STK32C: variants seen among roughly 807,000 people sequenced by gnomAD.
STK32C encodes serine/threonine kinase 32C.
Under a neutral mutation model 56.5 loss-of-function variants are expected in STK32C, and 31 were observed. That is an observed-to-expected ratio of 0.55 (90% CI 0.41 to 0.74). STK32C has a LOEUF of 0.74. Ranked by LOEUF, STK32C falls within the 30% of genes least tolerant of loss-of-function variation. The pLI is 0.00. For missense variants in STK32C, 544 were observed against 676.9 expected, an observed-to-expected ratio of 0.80 and a Z score of 2.18; for synonymous variants, 309 against 289.4, an observed-to-expected ratio of 1.07 and a Z score of -0.69.
intron 1 of STK32C, among the ~76,000 whole-genome samples, chr10:132,316,486 G>C (rs1295960003): frequency 6.6e-6 from 1 of 152,118 alleles, no homozygotes; most frequent in Non-Finnish European, 1.5e-5. Flanking sequence ...AGGCATGGTG[G>C]CATGCACCTG....
At chr10:132,237,383 A>C (rs2063331233) in intron 2 of STK32C, among the ~76,000 whole-genome samples, 1 of 152,264 alleles carries the variant, frequency 6.6e-6, no homozygotes, top group Non-Finnish European at 1.5e-5. Flanking sequence ...AAATGAGAAA[A>C]TGGATATGAA....
chr10:132,221,280 C>CA (rs2062632193), intron 10 of STK32C, among the ~76,000 whole-genome samples: 1 of 148,168 alleles, frequency 6.7e-6, no homozygotes, highest in African/African-American at 2.5e-5. Flanking sequence ...ACAACTGATG[C>CA]TGACGCACCT....
chr10:132,289,567 C>G (rs1293899588), intron 1 of STK32C, among the ~76,000 whole-genome samples: 1 of 152,186 alleles, frequency 6.6e-6, no homozygotes, highest in Non-Finnish European at 1.5e-5. Context: ...AGACCTGATT[C>G]CTCAAACAAC....
intron 1 of STK32C, among the ~76,000 whole-genome samples, chr10:132,264,866 A>G (rs1201943770): frequency 2.6e-5 from 4 of 152,240 alleles, no homozygotes; most frequent in Admixed American, 6.5e-5. Context: ...TCATGTGAAT[A>G]AATAGGGCGC....
intron 1 of STK32C, among the ~76,000 whole-genome samples, chr10:132,268,528 C>T (rs1234772851): frequency 1.9e-5 from 2 of 106,636 alleles, no homozygotes; most frequent in African/African-American, 4.0e-5. Flanking sequence ...TGCCTGTGTG[C>T]ATGCGTCACA....
intron 10 of STK32C, among the ~76,000 whole-genome samples, chr10:132,210,682 T>C (rs1393299813): frequency 1.3e-5 from 2 of 152,230 alleles, no homozygotes; most frequent in Admixed American, 1.3e-4. Context: ...TGCGTCACAC[T>C]CGGACGTGCC....
chr10:132,300,541 G>A (rs1024267193), intron 1 of STK32C, among the ~76,000 whole-genome samples: 4 of 152,234 alleles, frequency 2.6e-5, no homozygotes, highest in African/African-American at 9.6e-5. Flanking sequence ...AATCAATGAG[G>A]AAACTGTTTT....
chr10:132,227,614 A>ATGGTGG (rs1565081304), intron 3 of STK32C, among the ~76,000 whole-genome samples: 1 of 128,640 alleles, frequency 7.8e-6, no homozygotes, highest in Non-Finnish European at 1.7e-5. Context: ...GATGGCGATG[A>ATGGTGG]TGGTGGTGAT....
In STK32C at chr10:132,331,510, G is replaced by C. The variant is rs766824609; in HGVS notation, c.227C>G (p.Thr76Arg). 6 of 1,612,804 alleles carry C rather than the reference G, an allele frequency of 3.7e-6. No homozygotes were observed. The East Asian group carries it at 1.3e-4, about 36-fold the overall frequency. Reference sequence around the variant, plus strand: ...TCCAAAGAGGACGCTCTGAGTCTGCGTTCCCCTGGCAGCAAGTCCTGAGGC... The same window carrying C: ...TCCAAAGAGGACGCTCTGAGTCTGCCTTCCCCTGGCAGCAAGTCCTGAGGC... Residue 76 changes from threonine to arginine, a missense_variant, in exon 1 of 2, where the codon ACG becomes AGG. Transcript: ENST00000368619.
chr10:132,328,180 T>TCTGG (rs1434821484), intron 1 of STK32C, among the ~76,000 whole-genome samples: 13 of 152,164 alleles, frequency 8.5e-5, no homozygotes, highest in Admixed American at 8.5e-4. Context: ...CCCTGCGCAT[T>TCTGG]CTGGGATCAG....
downstream of STK32C, among the ~76,000 whole-genome samples, chr10:132,320,185 G>C (rs936416583): frequency 1.3e-5 from 2 of 152,114 alleles, no homozygotes; most frequent in Admixed American, 6.5e-5. Context: ...GCTGGGGAGG[G>C]GGCAGGTAGG....
intron 1 of STK32C, among the ~76,000 whole-genome samples, chr10:132,260,871 CAG>C (rs1353606709): frequency 6.6e-6 from 1 of 152,246 alleles, no homozygotes; most frequent in East Asian, 1.9e-4. Context: ...AGCAGGAGCA[CAG>C]GGGACAGGCT....
intron 1 of STK32C, among the ~76,000 whole-genome samples, chr10:132,274,473 G>A (rs557274864): frequency 6.9e-4 from 105 of 152,288 alleles, no homozygotes; most frequent in African/African-American, 2.4e-3. Context: ...TATGAAGATT[G>A]ACAACTGTTC....
intron 10 of STK32C, among the ~76,000 whole-genome samples, chr10:132,218,319 T>C (rs756053792): frequency 2.0e-4 from 30 of 150,252 alleles, no homozygotes; most frequent in Non-Finnish European, 4.1e-4. Flanking sequence ...ACCCTGTCTC[T>C]AAAAAAAAAT....
At position 132,223,003 on chromosome 10, in the gene STK32C, G is replaced by A; in HGVS notation, c.994-17C>T. 6.5e-7 allele frequency: 1 copy of A among 1,545,376 alleles called. No individual in the cohort carries two copies. Among genetic ancestry groups the A allele is most frequent in the Non-Finnish European group, 8.7e-7 (1 of 1,150,352 alleles). On this transcript the variant is annotated splice_polypyrimidine_tract_variant and intron_variant, in intron 8 of 11. Coordinates refer to ENST00000298630, the MANE Select transcript of STK32C (RefSeq NM_173575.4). Reference sequence around the variant, plus strand: ...AGTGAGGAGCTGCAACCAGGCATGAGTCAGAGGGTCCAGGGCCCACAGCCC... The same window carrying A: ...AGTGAGGAGCTGCAACCAGGCATGAATCAGAGGGTCCAGGGCCCACAGCCC...
intron 1 of STK32C, among the ~76,000 whole-genome samples, chr10:132,258,898 G>C (rs574947381): frequency 6.6e-6 from 1 of 152,380 alleles, no homozygotes; most frequent in Admixed American, 6.5e-5. Context: ...GGGCAGACGG[G>C]GGTTGAGGAT....
intron 2 of STK32C, 130 bp from the exon 3 acceptor site, chr10:132,228,258 A>G: frequency 1.7e-6 from 2 of 1,149,260 alleles, no homozygotes; most frequent in Non-Finnish European, 1.3e-6. Flanking sequence ...GACGCGCCGC[A>G]GCCCCTCTGC....
intron 1 of STK32C, among the ~76,000 whole-genome samples, chr10:132,256,618 C>T (rs558005230): frequency 4.6e-5 from 7 of 152,274 alleles, no homozygotes; most frequent in Admixed American, 3.9e-4. Context: ...CTCCCCAAAC[C>T]GCTGGAGAGG....
intron 1 of STK32C, among the ~76,000 whole-genome samples, chr10:132,326,705 C>T (rs1469661616): frequency 1.3e-5 from 2 of 152,182 alleles, no homozygotes; most frequent in African/African-American, 4.8e-5. Flanking sequence ...CCCAGTTCTC[C>T]ACTGCTGGTC....
Sources: allele counts gnomAD v4.1 joint callset (sites outside exome capture counted in the v4.1 genomes callset), GRCh38; gene constraint gnomAD v4.1.1; transcripts MANE v1.5; gene names NCBI Gene and HGNC (gene_info 2026-07-23, HGNC 2026-07-21).